Variants in PARD3 observed in about 807,000 individuals in gnomAD.
PARD3 encodes the protein partitioning defective 3 homolog.
In PARD3, 75 loss-of-function variants were observed where a neutral mutation model predicts 155.4. The observed-to-expected ratio is 0.48, with a 90% CI of 0.40 to 0.58. The LOEUF (loss-of-function observed/expected upper bound fraction) is 0.58, where lower values mean the gene tolerates loss of function less well. Ranked by LOEUF, PARD3 falls within the 20% of genes least tolerant of loss-of-function variation. PARD3 has a pLI of 0.00. For missense variants in PARD3, 1,642 were observed against 1,721.7 expected, an observed-to-expected ratio of 0.95 and a Z score of 0.82; for synonymous variants, 576 against 610.5, an observed-to-expected ratio of 0.94 and a Z score of 0.83.
intron 5 of PARD3, among the ~76,000 whole-genome samples, chr10:34,434,934 C>T (rs937868166): frequency 6.6e-6 from 1 of 152,054 alleles, no homozygotes; most frequent in Admixed American, 6.6e-5. Flanking sequence ...ATGAGCTGCA[C>T]AAATTCTGTA....
intron 3 of PARD3, among the ~76,000 whole-genome samples, chr10:34,480,296 C>T (rs1589723203): frequency 6.6e-6 from 1 of 152,290 alleles, no homozygotes; most frequent in East Asian, 1.9e-4. Flanking sequence ...GAGTGCAGTG[C>T]AAGATCACAG....
chr10:34,357,775 T>G (rs1184560394), intron 14 of PARD3, among the ~76,000 whole-genome samples: 5 of 152,216 alleles, frequency 3.3e-5, no homozygotes, highest in Non-Finnish European at 7.3e-5. Flanking sequence ...ATTAATTTGT[T>G]GATTACTGTT....
intron 4 of PARD3, among the ~76,000 whole-genome samples, chr10:34,451,648 C>G (rs181311032): frequency 4.6e-5 from 7 of 151,712 alleles, no homozygotes; most frequent in Non-Finnish European, 8.8e-5. Flanking sequence ...TATGTTCAAA[C>G]AAAAGGAAAT....
chr10:34,241,276 C>T (rs1372873285), intron 22 of PARD3, among the ~76,000 whole-genome samples: 2 of 152,150 alleles, frequency 1.3e-5, no homozygotes, highest in African/African-American at 2.4e-5. Context: ...CAGAGCAGGA[C>T]ACCCAGCAGA....
intron 23 of PARD3, among the ~76,000 whole-genome samples, chr10:34,130,369 C>A (rs568829762): frequency 2.8e-4 from 43 of 152,296 alleles, no homozygotes; most frequent in African/African-American, 8.9e-4. Context: ...CCATGTCTAT[C>A]TTCCAACCCC....
intron 2 of PARD3, among the ~76,000 whole-genome samples, chr10:34,643,292 C>A (rs2092737239): frequency 6.6e-6 from 1 of 152,222 alleles, no homozygotes; most frequent in East Asian, 1.9e-4. Context: ...CCTAACTGTG[C>A]GTCCTCATTG....
chr10:34,181,019 G>A (rs1027883026), intron 22 of PARD3, among the ~76,000 whole-genome samples: 3 of 152,172 alleles, frequency 2.0e-5, no homozygotes, highest in Non-Finnish European at 2.9e-5. Flanking sequence ...TGTGTGTCCT[G>A]AGGTGAGCTA....
chr10:34,255,887 T>C (rs1043070009), intron 22 of PARD3, among the ~76,000 whole-genome samples: 2 of 152,234 alleles, frequency 1.3e-5, no homozygotes, highest in Admixed American at 6.5e-5. Context: ...TTTTTCTATA[T>C]ACATTTGTAG....
intron 21 of PARD3, among the ~76,000 whole-genome samples, chr10:34,277,992 G>A (rs641162): frequency 0.64 from 96,735 of 151,974 alleles, 31,476 homozygotes; most frequent in African/African-American, 0.76. Context: ...AGCCCCACTG[G>A]TCGTTCCCCT....
At chr10:34,370,675 G>A (rs1840493792) in intron 12 of PARD3, among the ~76,000 whole-genome samples, 1 of 152,108 alleles carries the variant, frequency 6.6e-6, no homozygotes. Context: ...CAAAGTCATT[G>A]AGTTTTCCAA....
chr10:34,474,563 G>A (rs1191987512), intron 3 of PARD3, among the ~76,000 whole-genome samples: 1 of 152,148 alleles, frequency 6.6e-6, no homozygotes, highest in Non-Finnish European at 1.5e-5. Context: ...CTTAAACGGA[G>A]GGATCTGAAA....
chr10:34,131,565 G>T lies in PARD3; in HGVS notation c.3438C>A (p.Ser1146Arg), dbSNP rs750757531. 6.2e-7 allele frequency: 1 copy of T among 1,613,678 alleles called. No individual in the cohort carries two copies. The highest frequency in any genetic ancestry group is 1.1e-5 in the South Asian group (1 of 91,076). The change falls in exon 23 of 25, where the codon AGC becomes AGA. Residue 1146 changes from serine to arginine, a missense_variant. This residue lies in a region of PARD3 where 1,529 missense variants were observed against 1,587.3 expected (regional missense o/e 0.96). Transcript: ENST00000374788. ...SPVDSNRSTP[S>R]NHDRIQRLRQ... Reference sequence around the variant, plus strand: ...TCAGACGCTGTATCCGATCATGATTGCTAGGAGTTGATCTGTTACTGAAAG... The same window carrying T: ...TCAGACGCTGTATCCGATCATGATTTCTAGGAGTTGATCTGTTACTGAAAG...
At chr10:34,285,020 A>C (rs1956319868) in intron 20 of PARD3, among the ~76,000 whole-genome samples, 1 of 152,178 alleles carries the variant, frequency 6.6e-6, no homozygotes, top group Non-Finnish European at 1.5e-5. Flanking sequence ...CCAGTTTGAT[A>C]CTCAAACTTG....
intron 22 of PARD3, among the ~76,000 whole-genome samples, chr10:34,236,952 C>T (rs1442982461): frequency 6.6e-6 from 1 of 152,084 alleles, no homozygotes. Flanking sequence ...CGTTAAAATA[C>T]CATAAAATTA....
chr10:34,138,549 T>C (rs947305209), intron 22 of PARD3, among the ~76,000 whole-genome samples: 2 of 152,186 alleles, frequency 1.3e-5, no homozygotes, highest in African/African-American at 2.4e-5. Context: ...TTTCTCTTTC[T>C]GGCAGAGATT....
chr10:34,747,529 T>C lies in PARD3; in HGVS notation c.121-51110A>G, dbSNP rs770004354. 5.3e-4 allele frequency among the ~76,000 whole-genome samples: 81 copies of C among 152,218 alleles called. 2 individuals carry two copies. The highest frequency in any genetic ancestry group is 1.1e-3 in the Non-Finnish European group (72 of 68,038). On this transcript the variant is annotated intron_variant, in intron 1 of 24. Transcript: ENST00000374788. ...CTCATAGTGGTAACTTTTACTGACA[T>C]CTTATCTCAACTAAAAATGAAAAGT...
chr10:34,476,716 T>C (rs537438398), intron 3 of PARD3, among the ~76,000 whole-genome samples: 24 of 151,968 alleles, frequency 1.6e-4, no homozygotes, highest in African/African-American at 5.6e-4. Flanking sequence ...GAGAGAATAA[T>C]AATTTATGAA....
chr10:34,744,906 G>T (rs974259628), intron 1 of PARD3, among the ~76,000 whole-genome samples: 8 of 152,178 alleles, frequency 5.3e-5, no homozygotes, highest in Non-Finnish European at 7.4e-5. Flanking sequence ...AGCTGCAGTG[G>T]ACTGAAGGAA....
chr10:34,150,902 G>A (rs1239882254), intron 22 of PARD3, among the ~76,000 whole-genome samples: 1 of 152,170 alleles, frequency 6.6e-6, no homozygotes, highest in Non-Finnish European at 1.5e-5. Context: ...CTTCCTCAAT[G>A]TGAGATGAAT....
Sources: allele counts gnomAD v4.1 joint callset (sites outside exome capture counted in the v4.1 genomes callset), GRCh38; gene constraint gnomAD v4.1.1; regional missense constraint gnomAD v4.1.1; transcripts MANE v1.5; gene names NCBI Gene and HGNC (gene_info 2026-07-23, HGNC 2026-07-21).